ZFHX3: variants seen among roughly 807,000 people sequenced by gnomAD.
The protein encoded by ZFHX3 is zinc finger homeobox 3.
ZFHX3 carries 42 observed loss-of-function variants against 279.1 expected under a neutral mutation model. That is an observed-to-expected ratio of 0.15 (90% CI 0.12 to 0.19). The LOEUF is 0.19. Among genes scored for constraint, ZFHX3 ranks in the 10% least tolerant of loss-of-function variants. The probability of loss-of-function intolerance (pLI) is 1.00; values close to 1 mark genes in which losing one functional copy is unlikely to be tolerated. For synonymous variants in ZFHX3, 2,293 were observed against 1,957.8 expected (o/e 1.17, Z -4.52); for missense variants, 4,981 against 4,754.0 (o/e 1.05, Z -1.40).
chr16:73,520,215 G>A (rs751204008), intron 2 of ZFHX3, among the ~76,000 whole-genome samples: 2 of 152,080 alleles, frequency 1.3e-5, no homozygotes, highest in Non-Finnish European at 2.9e-5. Context: ...GAATATACTT[G>A]GGTGTTTCTA....
rs1961781024 is a variant in ZFHX3 at position 73,857,974 on chromosome 16, T to G, written c.-1608+33677A>C. ...AGCAGAGCTGGTGGTGCCACGCCTG[T>G]AGTACCGGCTACTCGGGAGGCTGAG... On this transcript the variant is annotated intron_variant, in intron 1 of 17. Transcript: ENST00000641206. Among the ~76,000 whole-genome samples the G allele has an allele frequency of 1.3e-5, 2 of 151,996 alleles. 1 individual carries two copies. The highest frequency in any genetic ancestry group is 4.2e-4 in the South Asian group (2 of 4,796).
chr16:73,329,534 T>C (rs895508680), intron 3 of ZFHX3, among the ~76,000 whole-genome samples: 1 of 152,260 alleles, frequency 6.6e-6, no homozygotes, highest in Non-Finnish European at 1.5e-5. Flanking sequence ...CCTTGCATAC[T>C]AATCAGGAGA....
At chr16:73,715,676 A>G (rs2053407713) in intron 1 of ZFHX3, among the ~76,000 whole-genome samples, 1 of 149,402 alleles carries the variant, frequency 6.7e-6, no homozygotes, top group Admixed American at 6.8e-5. Context: ...GGGTTCAAGC[A>G]ATTCTCTGCC....
chr16:73,678,048 GA>G (rs1269812231), intron 2 of ZFHX3, among the ~76,000 whole-genome samples: 3 of 151,928 alleles, frequency 2.0e-5, no homozygotes, highest in African/African-American at 7.2e-5. Flanking sequence ...CAAAAGTAAA[GA>G]AAATTTTGTA....
chr16:73,877,922 T>C (rs2030006952), intron 1 of ZFHX3, among the ~76,000 whole-genome samples: 1 of 152,072 alleles, frequency 6.6e-6, no homozygotes, highest in Admixed American at 6.5e-5. Flanking sequence ...TTGATTCTAA[T>C]GGTTAACATA....
intron 8 of ZFHX3, among the ~76,000 whole-genome samples, chr16:73,090,618 G>T (rs1231937570): frequency 1.3e-5 from 2 of 151,818 alleles, no homozygotes; most frequent in East Asian, 3.9e-4. Flanking sequence ...GGGGCGTGGT[G>T]GTTCATGCCT....
chr16:73,328,309 G>A (rs2015733189), intron 3 of ZFHX3, among the ~76,000 whole-genome samples: 1 of 152,120 alleles, frequency 6.6e-6, no homozygotes, highest in Non-Finnish European at 1.5e-5. Flanking sequence ...TATTGCTGTA[G>A]ATAGGTAAAT....
chr16:72,859,359 G>T (rs1490977797), intron 4 of ZFHX3, among the ~76,000 whole-genome samples: 1 of 152,120 alleles, frequency 6.6e-6, no homozygotes, highest in Non-Finnish European at 1.5e-5. Flanking sequence ...TGGGGCAAAG[G>T]GTTGCCTGTG....
chr16:73,070,693 G>T (rs1255443265), intron 8 of ZFHX3, among the ~76,000 whole-genome samples: 1 of 151,150 alleles, frequency 6.6e-6, no homozygotes, highest in African/African-American at 2.4e-5. Flanking sequence ...AATCCAGAAG[G>T]AAATGCTGAC....
chr16:73,754,963 T>C (rs1251433098), intron 1 of ZFHX3, among the ~76,000 whole-genome samples: 1 of 152,228 alleles, frequency 6.6e-6, no homozygotes. Flanking sequence ...AAGTTTACTA[T>C]ATGGACACTT....
At chr16:72,863,148 T>A (rs999881567) in intron 4 of ZFHX3, among the ~76,000 whole-genome samples, 4 of 151,812 alleles carry the variant, frequency 2.6e-5, no homozygotes, top group African/African-American at 9.7e-5. Context: ...AACTCAATAT[T>A]TGATGATTCC....
intron 4 of ZFHX3, among the ~76,000 whole-genome samples, chr16:73,306,623 C>A (rs1263722685): frequency 6.6e-6 from 1 of 152,132 alleles, no homozygotes; most frequent in Non-Finnish European, 1.5e-5. Flanking sequence ...GCATCTGGCC[C>A]GCATGAATAT....
intron 8 of ZFHX3, among the ~76,000 whole-genome samples, chr16:73,078,650 C>G (rs1315077288): frequency 6.8e-6 from 1 of 146,934 alleles, no homozygotes; most frequent in Non-Finnish European, 1.5e-5. Flanking sequence ...CACTAAAGAA[C>G]TTTTTTTTTT....
intron 3 of ZFHX3, among the ~76,000 whole-genome samples, chr16:73,406,910 T>C (rs1398442440): frequency 6.6e-6 from 1 of 152,238 alleles, no homozygotes. Flanking sequence ...TTCCCATTTT[T>C]AAATATGGCA....
chr16:72,787,431 C>G lies in ZFHX3; in HGVS notation c.10845G>C (p.Lys3615Asn). ...PSSASPHASR[K>N]SWPQVVSRAS... Reference sequence around the variant, plus strand: ...CCCGGGAGACCACTTGCGGCCAAGACTTCCTGGAGGCGTGGGGGGAAGCGG... The same window carrying G: ...CCCGGGAGACCACTTGCGGCCAAGAGTTCCTGGAGGCGTGGGGGGAAGCGG... Residue 3615 changes from lysine to asparagine, a missense_variant, in exon 10 of 10, where the codon AAG becomes AAC. Lys to Asn is a moderately conservative substitution (Grantham distance 94). Coordinates refer to ENST00000268489, the MANE Select transcript of ZFHX3 (RefSeq NM_006885.4). 1 of 1,582,414 alleles carries G rather than the reference C, an allele frequency of 6.3e-7. No homozygotes were observed. Among genetic ancestry groups the G allele is most frequent in the Non-Finnish European group, 8.6e-7 (1 of 1,161,964 alleles).
At chr16:73,247,947 C>T (rs2013349857) in intron 5 of ZFHX3, among the ~76,000 whole-genome samples, 1 of 145,932 alleles carries the variant, frequency 6.9e-6, no homozygotes, top group South Asian at 2.2e-4. Flanking sequence ...TGTTCGTATA[C>T]TATGTATATA....
chr16:73,574,137 A>C (rs1246546192), intron 2 of ZFHX3, among the ~76,000 whole-genome samples: 2 of 152,206 alleles, frequency 1.3e-5, no homozygotes, highest in South Asian at 4.1e-4. Context: ...CTTTCCCCTA[A>C]ATGTGAGGCT....
chr16:73,662,075 A>T (rs1053122850), intron 2 of ZFHX3, among the ~76,000 whole-genome samples: 1 of 149,152 alleles, frequency 6.7e-6, no homozygotes, highest in Non-Finnish European at 1.5e-5. Context: ...GCTGTACTTG[A>T]TAAAATGCTG....
chr16:73,731,739 C>A (rs961265601), intron 1 of ZFHX3, among the ~76,000 whole-genome samples: 1 of 152,010 alleles, frequency 6.6e-6, no homozygotes, highest in African/African-American at 2.4e-5. Context: ...ACATTATGTT[C>A]AAAATAAAAC....
Sources: gnomAD v4.1 joint callset for allele counts (sites outside exome capture counted in the v4.1 genomes callset) on GRCh38, gnomAD v4.1.1 for gene constraint, MANE v1.5 for transcripts, NCBI Gene and HGNC (gene_info 2026-07-23, HGNC 2026-07-21) for gene names.